Variants in NR1H3 observed in about 807,000 individuals in gnomAD.
NR1H3 encodes oxysterols receptor LXR-alpha.
NR1H3 carries 19 observed loss-of-function variants against 48.1 expected under a neutral mutation model. That is an observed-to-expected ratio of 0.40 (90% CI 0.28 to 0.58). The LOEUF is 0.58. Among genes scored for constraint, NR1H3 ranks in the 20% least tolerant of loss-of-function variants. The pLI is 0.50. For missense variants in NR1H3, 486 were observed against 595.9 expected (o/e 0.82, Z 1.92); for synonymous variants, 232 against 227.3 (o/e 1.02, Z -0.19).
chr11:47,265,485 A>G (rs990877243), intron 7 of NR1H3, among the ~76,000 whole-genome samples: 2 of 152,188 alleles, frequency 1.3e-5, no homozygotes, highest in African/African-American at 4.8e-5. Context: ...GACTTTGACA[A>G]TGTGTATGAG....
intron 1 of NR1H3, among the ~76,000 whole-genome samples, chr11:47,251,314 T>G (rs901955085): frequency 6.6e-6 from 1 of 151,680 alleles, no homozygotes; most frequent in Non-Finnish European, 1.5e-5. Context: ...TTCAAATTAG[T>G]TGGACTAAAC....
intron 1 of NR1H3, chr11:47,250,612 C>G (rs1459623782): frequency 6.6e-6 from 1 of 152,178 alleles, no homozygotes; most frequent in Non-Finnish European, 1.5e-5. Context: ...TCACAAGCCC[C>G]TTTATGAATC....
upstream of NR1H3, chr11:47,248,843 A>G (rs1954352545): frequency 1.9e-6 from 3 of 1,553,786 alleles, no homozygotes; most frequent in Non-Finnish European, 1.7e-6. Context: ...TGGCACCTGC[A>G]AGCAGCCGCC....
intron 1 of NR1H3, chr11:47,250,347 G>A (rs1742862816): frequency 6.6e-6 from 1 of 152,158 alleles, no homozygotes; most frequent in Admixed American, 6.5e-5. Flanking sequence ...GGAGGTTGAG[G>A]CTGCAGTGAG....
At position 47,268,934 on chromosome 11, in the gene NR1H3, TG is replaced by T; in HGVS notation, c.*243del. ...TGCTGACCCCACAAACGGATGGGCC[TG>T]GGGGCCACTTTGCACAGGGTTCTCC... On this transcript the variant is annotated 3_prime_UTR_variant, in exon 10 of 10. Coordinates refer to ENST00000441012, the MANE Select transcript of NR1H3 (RefSeq NM_005693.4). 2 of 520,610 alleles carry T rather than the reference TG, an allele frequency of 3.8e-6. No homozygotes were observed. The highest frequency in any genetic ancestry group is 5.2e-4 in the Middle Eastern group (1 of 1,918). The allele number at this position is 520,610 out of a possible 1,614,324, so 32.2% of individuals were successfully genotyped here.
chr11:47,249,881 C>G (rs539090612), intron 1 of NR1H3, among the ~76,000 whole-genome samples: 81 of 151,760 alleles, frequency 5.3e-4, no homozygotes, highest in African/African-American at 1.8e-3. Flanking sequence ...CACCTGAGGT[C>G]AGGAGTTCGA....
At chr11:47,258,256 G>C in intron 1 of NR1H3, 127 bp downstream of exon 1, 1 of 949,412 alleles carries the variant, frequency 1.1e-6, no homozygotes, top group Non-Finnish European at 1.3e-6. Context: ...ATGGAAGCTT[G>C]GGACAGGAGC....
chr11:47,254,669 A>C (rs986984002), upstream of NR1H3, among the ~76,000 whole-genome samples: 1 of 152,108 alleles, frequency 6.6e-6, no homozygotes, highest in African/African-American at 2.4e-5. Context: ...GGCTTTTCTG[A>C]AATGTGAAAA....
intron 1 of NR1H3, among the ~76,000 whole-genome samples, chr11:47,251,503 C>T (rs149182624): frequency 7.3e-5 from 11 of 151,608 alleles, no homozygotes; most frequent in South Asian, 6.3e-4. Flanking sequence ...TCCCAGCTAC[C>T]GGGGAGGCTG....
chr11:47,249,982 C>A (rs978731034), intron 1 of NR1H3, among the ~76,000 whole-genome samples: 3 of 151,984 alleles, frequency 2.0e-5, no homozygotes, highest in Admixed American at 6.6e-5. Flanking sequence ...CTCCTGTAAT[C>A]CCAGCTACTC....
At chr11:47,253,351 C>T (rs187666211), upstream of NR1H3, among the ~76,000 whole-genome samples, 433 of 152,228 alleles carry the variant, frequency 2.8e-3, 3 homozygotes, top group Middle Eastern at 3.4e-3. Context: ...TGAAATAATG[C>T]ATGTAAAGAT....
At chr11:47,251,028 A>G (rs3758669) in intron 1 of NR1H3, among the ~76,000 whole-genome samples, 57,331 of 151,976 alleles carry the variant, frequency 0.38, 11,750 homozygotes, top group East Asian at 0.75. Context: ...GTGTGGTGGC[A>G]GGTGCCGGTA....
In NR1H3 at chr11:47,268,642, G is replaced by A; in HGVS notation, c.1290G>A (p.Leu430=). Residue 430 remains leucine (L), a synonymous_variant, in exon 10 of 10, where the codon CTG becomes CTA. Transcript: ENST00000441012. The stretch of plus-strand genomic sequence containing the variant: ...CAGAGCAAGTGTTTGCACTGCGTCT[G>A]CAGGACAAAAAGCTCCCACCGCTGC... ...VHSEQVFALR[L]QDKKLPPLLS... is the part of the protein sequence containing the mutation. 1.9e-6 allele frequency: 3 copies of A among 1,614,136 alleles called. No individual in the cohort carries two copies. The highest frequency in any genetic ancestry group is 2.5e-6 in the Non-Finnish European group (3 of 1,180,018).
upstream of NR1H3, among the ~76,000 whole-genome samples, chr11:47,255,959 G>A (rs1019852545): frequency 6.6e-6 from 1 of 151,130 alleles, no homozygotes; most frequent in Non-Finnish European, 1.5e-5. Flanking sequence ...ATGAGCCACC[G>A]CACCCTGCAT....
upstream of NR1H3, among the ~76,000 whole-genome samples, chr11:47,255,511 C>T (rs141213132): frequency 1.7e-3 from 257 of 152,226 alleles, no homozygotes; most frequent in African/African-American, 6.0e-3. Context: ...ATGTGCCACA[C>T]GTTGTGATAG....
intron 7 of NR1H3, among the ~76,000 whole-genome samples, chr11:47,264,588 C>T (rs1054290551): frequency 1.3e-5 from 2 of 152,196 alleles, no homozygotes; most frequent in African/African-American, 4.8e-5. Context: ...CGTGGCTCTC[C>T]CCTCCTTCAG....
At chr11:47,253,661 A>G (rs1195487785), upstream of NR1H3, among the ~76,000 whole-genome samples, 1 of 152,192 alleles carries the variant, frequency 6.6e-6, no homozygotes, top group Non-Finnish European at 1.5e-5. Flanking sequence ...AGCCAGTACT[A>G]CCTGTGACCA....
upstream of NR1H3, among the ~76,000 whole-genome samples, chr11:47,253,541 C>G (rs939027976): frequency 3.9e-5 from 6 of 152,190 alleles, no homozygotes; most frequent in African/African-American, 1.4e-4. Flanking sequence ...CCTGCACTTT[C>G]CACCCTTCCA....
chr11:47,268,501 C>A, intron 9 of NR1H3, 49 bp from the exon 10 acceptor site: 1 of 1,612,214 alleles, frequency 6.2e-7, no homozygotes, highest in Non-Finnish European at 8.5e-7. Flanking sequence ...TCTTGCCCCG[C>A]TTCCCTGGGG....
Sources: allele counts gnomAD v4.1 joint callset (sites outside exome capture counted in the v4.1 genomes callset), GRCh38; gene constraint gnomAD v4.1.1; transcripts MANE v1.5; gene names NCBI Gene and HGNC (gene_info 2026-07-23, HGNC 2026-07-21).